The following NEK1 variants were observed in gnomAD, a reference collection of about 807,000 sequenced individuals.
NEK1 encodes the protein NIMA related kinase 1, also known as serine/threonine-protein kinase Nek1.
A neutral mutation model predicts 182.1 loss-of-function variants in NEK1; 137 were observed. The ratio of observed to expected loss-of-function variants is 0.75; its 90% CI spans 0.65 to 0.87. NEK1 has a LOEUF of 0.87. Among genes scored for constraint, NEK1 ranks in the 40% least tolerant of loss-of-function variants. The probability of loss-of-function intolerance (pLI) is 0.00; values close to 1 mark genes in which losing one functional copy is unlikely to be tolerated. For missense variants in NEK1, 1,391 were observed against 1,494.4 expected (o/e 0.93, Z 1.14); for synonymous variants, 513 against 492.2 (o/e 1.04, Z -0.56).
At chr4:169,442,136 G>A (rs1447094572) in intron 27 of NEK1, among the ~76,000 whole-genome samples, 1 of 152,146 alleles carries the variant, frequency 6.6e-6, no homozygotes, top group Non-Finnish European at 1.5e-5. Context: ...GCCATGTGGA[G>A]GCCCAAGGAT....
chr4:169,534,546 A>G (rs899743910), intron 19 of NEK1, among the ~76,000 whole-genome samples: 8 of 152,228 alleles, frequency 5.3e-5, no homozygotes, highest in African/African-American at 1.7e-4. Flanking sequence ...CATATTGTCA[A>G]TAATACCTGA....
intron 23 of NEK1, among the ~76,000 whole-genome samples, chr4:169,500,763 G>C (rs1752284925): frequency 6.6e-6 from 1 of 152,124 alleles, no homozygotes; most frequent in African/African-American, 2.4e-5. Flanking sequence ...GCTTAAAGGA[G>C]TTCTAAACAT....
At position 169,477,192 on chromosome 4, in the gene NEK1, T is replaced by G; in HGVS notation, c.2366A>C (p.Glu789Ala). 6.2e-7 allele frequency: 1 copy of G among 1,608,726 alleles called. No individual in the cohort carries two copies. ...AGGAATCACAAGTTGACCTCCTGCC[T>G]CCCACTTCTTGCGATCAGATGAAAC... ...KSVSSDRKKW[E>A]AGGQLVIPLD... The change falls in exon 26 of 36, where the codon GAG becomes GCG. Residue 789 changes from glutamate to alanine, a missense_variant. By Grantham distance (107) the Glu-to-Ala change is moderately radical (BLOSUM62 -1). This residue lies in a region of NEK1 where 1,216 missense variants were observed against 1,277.6 expected (regional missense o/e 0.95). Transcript: ENST00000507142.
intron 31 of NEK1, among the ~76,000 whole-genome samples, chr4:169,422,990 G>T (rs1735742686): frequency 1.3e-5 from 2 of 152,098 alleles, no homozygotes; most frequent in African/African-American, 4.8e-5. Context: ...TCAAAAGACT[G>T]ATATTAGATA....
intron 31 of NEK1, among the ~76,000 whole-genome samples, chr4:169,420,637 T>G (rs1420468986): frequency 1.3e-5 from 2 of 152,230 alleles, no homozygotes; most frequent in Non-Finnish European, 2.9e-5. Flanking sequence ...ATGTGATGCA[T>G]GACTGCCTAT....
chr4:169,573,285 T>C (rs1432344250), intron 12 of NEK1, among the ~76,000 whole-genome samples: 3 of 152,236 alleles, frequency 2.0e-5, no homozygotes, highest in African/African-American at 4.8e-5. Context: ...CTCAGTGAAG[T>C]AGGAAGAAAA....
intron 23 of NEK1, among the ~76,000 whole-genome samples, chr4:169,492,639 T>C (rs553929745): frequency 1.3e-5 from 2 of 152,296 alleles, no homozygotes; most frequent in East Asian, 3.9e-4. Flanking sequence ...GCAGTTGTCA[T>C]ACCAGTTGTG....
intron 26 of NEK1, among the ~76,000 whole-genome samples, chr4:169,471,316 T>C (rs1745919154): frequency 6.6e-6 from 1 of 152,192 alleles, no homozygotes. Context: ...TGCTTGGGTG[T>C]CCTTTTTGTT....
At chr4:169,589,649 A>G in intron 6 of NEK1, 135 bp from the exon 7 acceptor site, 2 of 585,154 alleles carry the variant, frequency 3.4e-6, no homozygotes, top group Non-Finnish European at 6.0e-6. Flanking sequence ...ACAAAAGAAT[A>G]AATGAAGTCC....
In NEK1 at chr4:169,463,231, G is replaced by A; in HGVS notation, c.2587+12C>T. ...TACTTCTAGTATAGAAAAACTACCA[G>A]TTTCTCCTTACCACTTCTAATAGTT... On this transcript the variant is annotated intron_variant, in intron 27 of 35. Transcript: ENST00000507142. The A allele has an allele frequency of 7.0e-7, 1 of 1,434,822 alleles. No individual in the cohort carries two copies. The highest frequency in any genetic ancestry group is 9.2e-7 in the Non-Finnish European group (1 of 1,084,444). The allele number at this position is 1,434,822 out of a possible 1,614,324, so 88.9% of individuals were successfully genotyped here. A position where few individuals can be genotyped will look rare whatever the true frequency, so the allele number is the denominator to read the frequency against.
At chr4:169,556,662 A>C (rs1406803887) in intron 16 of NEK1, among the ~76,000 whole-genome samples, 1 of 152,120 alleles carries the variant, frequency 6.6e-6, no homozygotes, top group Non-Finnish European at 1.5e-5. Flanking sequence ...AACTAGAAAA[A>C]CATTCAATTC....
intron 19 of NEK1, among the ~76,000 whole-genome samples, chr4:169,524,040 C>T (rs1170074569): frequency 1.3e-5 from 2 of 152,096 alleles, no homozygotes; most frequent in East Asian, 3.9e-4. Context: ...TTAAGTTATT[C>T]AACAGAAGAT....
At chr4:169,497,714 T>C (rs1751615778) in intron 23 of NEK1, among the ~76,000 whole-genome samples, 1 of 152,216 alleles carries the variant, frequency 6.6e-6, no homozygotes, top group Admixed American at 6.5e-5. Flanking sequence ...GTTGAGCGGT[T>C]TTGAGTGAGT....
At chr4:169,544,290 A>T (rs1207770793) in intron 18 of NEK1, among the ~76,000 whole-genome samples, 1 of 152,170 alleles carries the variant, frequency 6.6e-6, no homozygotes, top group Non-Finnish European at 1.5e-5. Context: ...TGGATGTTGA[A>T]CCAGCCTTGC....
At chr4:169,587,859 C>CA (rs1767785840) in intron 8 of NEK1, among the ~76,000 whole-genome samples, 1 of 151,884 alleles carries the variant, frequency 6.6e-6, no homozygotes, top group African/African-American at 2.4e-5. Flanking sequence ...AGAACAATAT[C>CA]AAAAAAATTC....
chr4:169,544,144 T>C (rs1228842257), intron 18 of NEK1, among the ~76,000 whole-genome samples: 1 of 151,860 alleles, frequency 6.6e-6, no homozygotes, highest in Admixed American at 6.6e-5. Context: ...TTAAGATCTG[T>C]TCCATCAATG....
chr4:169,486,052 A>C (rs1012736610), intron 23 of NEK1, among the ~76,000 whole-genome samples: 5 of 152,156 alleles, frequency 3.3e-5, no homozygotes, highest in African/African-American at 1.2e-4. Flanking sequence ...TTTCAAAACA[A>C]AACAAAACAA....
At chr4:169,424,910 T>C in intron 30 of NEK1, 110 bp from the exon 31 acceptor site, 1 of 1,148,074 alleles carries the variant, frequency 8.7e-7, no homozygotes, top group Non-Finnish European at 1.2e-6. Flanking sequence ...AACCCACATA[T>C]CAGGAAAATA....
intron 27 of NEK1, among the ~76,000 whole-genome samples, chr4:169,445,865 T>TATATATATATATATATACAC (rs569539235): frequency 2.8e-5 from 4 of 143,216 alleles, no homozygotes; most frequent in African/African-American, 8.4e-5. Flanking sequence ...TATATATATA[T>TATATATATATATATATACAC]ACACACACAC....
Sources: gnomAD v4.1 joint callset for allele counts (sites outside exome capture counted in the v4.1 genomes callset) on GRCh38, gnomAD v4.1.1 for gene constraint, gnomAD v4.1.1 regional missense constraint, MANE v1.5 for transcripts, NCBI Gene and HGNC (gene_info 2026-07-23, HGNC 2026-07-21) for gene names.